Variants in PTPRM observed in about 807,000 individuals in gnomAD.
The protein encoded by PTPRM is protein tyrosine phosphatase receptor type M, also known as receptor-type tyrosine-protein phosphatase mu.
PTPRM carries 47 observed loss-of-function variants against 186.7 expected under a neutral mutation model. The ratio of observed to expected loss-of-function variants is 0.25; its 90% confidence interval spans 0.20 to 0.32. PTPRM has a LOEUF of 0.32. Among genes scored for constraint, PTPRM ranks in the 10% least tolerant of loss-of-function variants. The pLI is 1.00. For missense variants in PTPRM, 1,494 were observed against 1,865.0 expected (o/e 0.80, Z 3.66); for synonymous variants, 668 against 674.9 (o/e 0.99, Z 0.16).
intron 22 of PTPRM, among the ~76,000 whole-genome samples, chr18:8,340,890 A>G (rs1243390800): frequency 6.6e-6 from 1 of 152,156 alleles, no homozygotes; most frequent in Non-Finnish European, 1.5e-5. Context: ...CTCCACAGTA[A>G]TTTTAATAAG....
intron 1 of PTPRM, among the ~76,000 whole-genome samples, chr18:7,719,098 A>C (rs1277193801): frequency 5.3e-5 from 8 of 152,218 alleles, no homozygotes; most frequent in Admixed American, 5.2e-4. Flanking sequence ...TTGCACATGC[A>C]TGTTTATAGC....
chr18:7,681,034 C>T (rs1362529063), intron 1 of PTPRM, among the ~76,000 whole-genome samples: 2 of 152,136 alleles, frequency 1.3e-5, no homozygotes, highest in East Asian at 1.9e-4. Flanking sequence ...GTGAACAGTG[C>T]GTAGGTCCTC....
intron 1 of PTPRM, among the ~76,000 whole-genome samples, chr18:7,748,066 G>T (rs758434224): frequency 4.6e-5 from 7 of 152,104 alleles, no homozygotes; most frequent in Non-Finnish European, 4.4e-5. Context: ...ATTTGGGTAC[G>T]TGGCCCCCCA....
intron 7 of PTPRM, among the ~76,000 whole-genome samples, chr18:7,976,691 C>T (rs1260984586): frequency 6.6e-6 from 1 of 152,078 alleles, no homozygotes; most frequent in Non-Finnish European, 1.5e-5. Context: ...AAGACTAAAT[C>T]ACTGAACAAA....
intron 2 of PTPRM, among the ~76,000 whole-genome samples, chr18:7,872,466 T>G (rs868723725): frequency 2.6e-5 from 4 of 152,182 alleles, no homozygotes; most frequent in Admixed American, 6.5e-5. Context: ...GGGTACCTGG[T>G]TTGTTTTTTT....
chr18:7,710,766 A>T (rs2040195111), intron 1 of PTPRM, among the ~76,000 whole-genome samples: 1 of 152,228 alleles, frequency 6.6e-6, no homozygotes, highest in Admixed American at 6.5e-5. Flanking sequence ...TCAAGCTGAG[A>T]ATAACATCAA....
chr18:8,348,485 TCAGTTTTCCTGGCACCTGCCAC>T (rs2095517644), intron 23 of PTPRM, among the ~76,000 whole-genome samples: 1 of 152,248 alleles, frequency 6.6e-6, no homozygotes, highest in Admixed American at 6.5e-5. Context: ...GAGACCCTTG[TCAGTTTTCCTGGCACCTGCCAC>T]CGGCTGCACA....
intron 7 of PTPRM, 135 bp from the exon 8 acceptor site, chr18:8,069,551 T>C (rs892506021): frequency 9.5e-5 from 76 of 797,828 alleles, no homozygotes; most frequent in Non-Finnish European, 1.4e-4. Context: ...TAGCCAAGAT[T>C]TAGGGATTTA....
At chr18:8,307,504 C>A (rs951827076) in intron 20 of PTPRM, among the ~76,000 whole-genome samples, 1 of 152,152 alleles carries the variant, frequency 6.6e-6, no homozygotes, top group Non-Finnish European at 1.5e-5. Flanking sequence ...CTGTTATCCT[C>A]TATTAGAAAG....
chr18:7,658,330 T>TA (rs2038899119), intron 1 of PTPRM, among the ~76,000 whole-genome samples: 7 of 124,438 alleles, frequency 5.6e-5, no homozygotes, highest in Non-Finnish European at 1.0e-4. Flanking sequence ...TAAAGTAAAT[T>TA]TATATATATA....
intron 14 of PTPRM, among the ~76,000 whole-genome samples, chr18:8,171,314 A>C (rs2146457095): frequency 6.6e-6 from 1 of 152,362 alleles, no homozygotes; most frequent in South Asian, 2.1e-4. Context: ...GCTGTGTGGC[A>C]TGCTACAGCC....
At chr18:7,931,868 A>G (rs1447719054) in intron 5 of PTPRM, among the ~76,000 whole-genome samples, 1 of 152,172 alleles carries the variant, frequency 6.6e-6, no homozygotes, top group Non-Finnish European at 1.5e-5. Flanking sequence ...TCTATTTATA[A>G]TACTTTCCAG....
At chr18:8,032,515 A>G (rs2086047648) in intron 7 of PTPRM, among the ~76,000 whole-genome samples, 1 of 152,154 alleles carries the variant, frequency 6.6e-6, no homozygotes, top group Non-Finnish European at 1.5e-5. Flanking sequence ...AAGCCTTTAT[A>G]TTTTAGAGAT....
chr18:7,973,310 G>A (rs141076510), intron 7 of PTPRM, among the ~76,000 whole-genome samples: 1 of 152,272 alleles, frequency 6.6e-6, no homozygotes, highest in African/African-American at 2.4e-5. Context: ...GGTGCTGTCA[G>A]ATTACTTTCT....
At chr18:8,126,027 A>ATATATTTTTT (rs57751538) in intron 13 of PTPRM, among the ~76,000 whole-genome samples, 15 of 69,532 alleles carry the variant, frequency 2.2e-4, no homozygotes, top group Non-Finnish European at 3.1e-4. Context: ...ATATATATAT[A>ATATATTTTTT]TTTTAAATCA....
At chr18:7,593,843 G>A (rs758338071) in intron 1 of PTPRM, among the ~76,000 whole-genome samples, 1 of 152,142 alleles carries the variant, frequency 6.6e-6, no homozygotes, top group Non-Finnish European at 1.5e-5. Context: ...AATCTCAACA[G>A]CTTGGTGAAG....
chr18:7,826,856 G>A (rs2045510438), intron 2 of PTPRM, among the ~76,000 whole-genome samples: 1 of 152,198 alleles, frequency 6.6e-6, no homozygotes, highest in Non-Finnish European at 1.5e-5. Flanking sequence ...CACTTTGGGA[G>A]GCCCAGACAG....
At chr18:8,243,075 G>A (rs1349713726) in intron 14 of PTPRM, among the ~76,000 whole-genome samples, 4 of 152,096 alleles carry the variant, frequency 2.6e-5, no homozygotes, top group African/African-American at 7.2e-5. Flanking sequence ...TCTGTCTTGG[G>A]TACACAAAAC....
chr18:8,272,220 A>AAAAC (rs1555834274), intron 19 of PTPRM, among the ~76,000 whole-genome samples: 3 of 151,422 alleles, frequency 2.0e-5, no homozygotes, highest in Non-Finnish European at 2.9e-5. Flanking sequence ...AAAAAAAAAA[A>AAAAC]AAAGAAAGAA....
Sources: gnomAD v4.1 joint callset for allele counts (sites outside exome capture counted in the v4.1 genomes callset) on GRCh38, gnomAD v4.1.1 for gene constraint, MANE v1.5 for transcripts, NCBI Gene and HGNC (gene_info 2026-07-23, HGNC 2026-07-21) for gene names.